HK2: variants seen among roughly 807,000 people sequenced by gnomAD.
HK2 encodes the protein hexokinase 2.
Under a neutral mutation model 92.9 loss-of-function variants are expected in HK2, and 42 were observed. The observed-to-expected ratio is 0.45, with a 90% confidence interval of 0.35 to 0.58. The LOEUF (loss-of-function observed/expected upper bound fraction) is 0.58. Among genes scored for constraint, HK2 ranks in the 20% least tolerant of loss-of-function variants. The pLI, the probability that HK2 is intolerant of heterozygous loss-of-function variation, is 0.00. For synonymous variants in HK2, 422 were observed against 468.0 expected (o/e 0.90, Z 1.27); for missense variants, 978 against 1,245.1 (o/e 0.79, Z 3.23).
chr2:74,889,553 C>T, intron 17 of HK2, 75 bp downstream of exon 17: 1 of 992,956 alleles, frequency 1.0e-6, no homozygotes, highest in South Asian at 1.4e-5. Context: ...TCTCTCTTTC[C>T]TTTGTTACTT....
At chr2:74,840,435 G>C (rs1688277164) in intron 1 of HK2, among the ~76,000 whole-genome samples, 1 of 152,042 alleles carries the variant, frequency 6.6e-6, no homozygotes, top group Non-Finnish European at 1.5e-5. Context: ...CAGAAAACTG[G>C]CTTCCTTTGT....
At chr2:74,879,019 G>A in intron 9 of HK2, 98 bp downstream of exon 9, 1 of 1,020,090 alleles carries the variant, frequency 9.8e-7, no homozygotes, top group Non-Finnish European at 1.5e-6. Flanking sequence ...CAGGGGTGGT[G>A]TGGAGGGACC....
chr2:74,880,424 G>C lies in HK2; in HGVS notation c.1425G>C (p.Glu475Asp). ...DQHRARQKTL[E>D]HLQLSHDQLL... ...ACCGTGCCCGCCAGAAGACATTAGA[G>C]CATCTGCAGCTGAGCCATGACCAGC... Residue 475 changes from glutamate (E) to aspartate (D), a missense_variant, in exon 10 of 18, where the codon GAG (glutamate) becomes GAC (aspartate). Glu to Asp is a conservative substitution (Grantham distance 45). This residue lies in a region of HK2 where 742 missense variants were observed against 922.5 expected (regional missense o/e 0.80). Coordinates refer to ENST00000290573, the MANE Select transcript of HK2 (RefSeq NM_000189.5). The C allele has an allele frequency of 6.2e-7, 1 of 1,614,244 alleles. No individual in the cohort carries two copies. Among genetic ancestry groups the C allele is most frequent in the South Asian group, 1.1e-5 (1 of 91,088 alleles).
rs369234663 is a variant in HK2 at position 74,881,897 on chromosome 2, G to A, written c.1719+38G>A. On this transcript the variant is annotated intron_variant, in intron 11 of 17. Transcript: ENST00000290573. ...GCGCCTTCAGGAGGGGGCCCCTGGT[G>A]GACGTCACCTCTTGCCTTCGAGGAC... 122 of 1,609,028 alleles carry A rather than the reference G, an allele frequency of 7.6e-5. 1 individual carries two copies. Among genetic ancestry groups the A allele is most frequent in the Non-Finnish European group, 9.7e-5 (114 of 1,176,252 alleles).
At chr2:74,868,462 A>G (rs1010458002) in intron 3 of HK2, among the ~76,000 whole-genome samples, 1 of 152,158 alleles carries the variant, frequency 6.6e-6, no homozygotes, top group African/African-American at 2.4e-5. Flanking sequence ...CAGTTTATTC[A>G]TCTGTAAAAA....
At position 74,881,780 on chromosome 2, in the gene HK2, A is replaced by C. The variant is rs1174398172; in HGVS notation, c.1640A>C (p.Asn547Thr). Reference protein sequence around the residue: ...NFRVLLVRVRNGKWGGVEMHN... With the variant: ...NFRVLLVRVRTGKWGGVEMHN... ...CGGGTCCTGCTGGTCCGTGTTCGGA[A>C]TGGGAAGTGGGGTGGAGTGGAGATG... The change falls in exon 11 of 18, where the codon AAT becomes ACT. Residue 547 changes from asparagine (N) to threonine (T), a missense_variant. Asn to Thr is a moderately conservative substitution (Grantham distance 65). Around this residue, in one of 3 missense-constraint regions of HK2, gnomAD observed 742 missense variants for 922.5 expected, o/e 0.80. Transcript: ENST00000290573. 1.9e-6 allele frequency: 3 copies of C among 1,614,038 alleles called. No homozygotes were observed. The highest frequency in any genetic ancestry group is 2.5e-6 in the Non-Finnish European group (3 of 1,180,014).
intron 1 of HK2, among the ~76,000 whole-genome samples, chr2:74,837,968 G>C (rs1329976658): frequency 6.6e-6 from 1 of 151,976 alleles, no homozygotes; most frequent in African/African-American, 2.4e-5. Flanking sequence ...GCCACCGCAC[G>C]AGGCCTGCCC....
rs141663207 is a variant in HK2, at chr2:74,873,348, C to A, written c.568C>A (p.Arg190=). The change falls in exon 5 of 18, where the codon CGG becomes AGG. Residue 190 remains arginine (R), a synonymous_variant. Coordinates refer to ENST00000290573, the MANE Select transcript of HK2 (RefSeq NM_000189.5). ...AGGCAGAGACGTTGTGGCTCTGATC[C>A]GGAAGGCCATCCAGAGGAGAGGGGT... ...VEGRDVVALI[R]KAIQRRGDFD... 6.2e-7 allele frequency: 1 copy of A among 1,613,698 alleles called. No homozygotes were observed. Among genetic ancestry groups the A allele is most frequent in the South Asian group, 1.1e-5 (1 of 91,056 alleles).
chr2:74,891,179 T>C lies in HK2; in HGVS notation c.*238T>C, dbSNP rs1689669386. On this transcript the variant is annotated 3_prime_UTR_variant, in exon 18 of 18. Transcript: ENST00000290573. The stretch of plus-strand genomic sequence containing the variant: ...TTCACATGCATCATAACCATTCCCA[T>C]TGGTTCTCCTAAAACATGAAAATTA... The C allele has an allele frequency of 5.5e-6, 3 of 543,488 alleles. No homozygotes were observed. Among genetic ancestry groups the C allele is most frequent in the South Asian group, 2.0e-5 (1 of 49,192 alleles). 33.7% of individuals were successfully genotyped at this position (543,488 alleles called of 1,614,324 possible).
At chr2:74,855,021 A>C (rs961393280) in intron 2 of HK2, among the ~76,000 whole-genome samples, 17 of 152,296 alleles carry the variant, frequency 1.1e-4, no homozygotes, top group African/African-American at 4.1e-4. Context: ...TTTTTGAGAC[A>C]GTTTCACTCT....
At chr2:74,863,924 G>C (rs753331997) in intron 2 of HK2, among the ~76,000 whole-genome samples, 1 of 152,220 alleles carries the variant, frequency 6.6e-6, no homozygotes, top group Admixed American at 6.5e-5. Context: ...GTTTACGGCT[G>C]CATGCCTCAG....
At chr2:74,875,780 TCAGTG>T (rs895689175) in intron 7 of HK2, among the ~76,000 whole-genome samples, 3 of 152,174 alleles carry the variant, frequency 2.0e-5, no homozygotes, top group African/African-American at 7.2e-5. Context: ...GAAAAGTCAC[TCAGTG>T]CCTGCCTCCA....
At chr2:74,853,449 A>T (rs1307135326) in intron 1 of HK2, among the ~76,000 whole-genome samples, 4 of 151,896 alleles carry the variant, frequency 2.6e-5, no homozygotes, top group African/African-American at 9.7e-5. Context: ...CCCGGGAGGC[A>T]GAGGTTGCAG....
chr2:74,849,994 T>G (rs1688529251), intron 1 of HK2, among the ~76,000 whole-genome samples: 1 of 152,174 alleles, frequency 6.6e-6, no homozygotes. Context: ...GAGTTTGTCT[T>G]CCCAACTCCC....
chr2:74,878,906 A>T lies in HK2; in HGVS notation c.1250A>T (p.Tyr417Phe), dbSNP rs748046931. Reference sequence around the variant, plus strand: ...ACTATTGGGGTCGACGGTTCCGTCTACAAGAAACACCCCCAGTGAGTCAGT... The same window carrying T: ...ACTATTGGGGTCGACGGTTCCGTCTTCAAGAAACACCCCCAGTGAGTCAGT... ...RSTIGVDGSV[Y>F]KKHPHFAKRL... The change falls in exon 9 of 18, where the codon TAC becomes TTC. Residue 417 changes from tyrosine (Y) to phenylalanine (F), a missense_variant. Tyr to Phe is a conservative substitution (Grantham distance 22). This residue lies in a region of HK2 where 742 missense variants were observed against 922.5 expected (regional missense o/e 0.80). Coordinates refer to ENST00000290573, the MANE Select transcript of HK2 (RefSeq NM_000189.5). The T allele has an allele frequency of 1.6e-5, 25 of 1,551,340 alleles. No individual in the cohort carries two copies. In the South Asian group the frequency reaches 3.0e-4, roughly 18 times the overall value.
At chr2:74,880,181 A>T in intron 9 of HK2, 84 bp from the exon 10 acceptor site, 1 of 1,483,924 alleles carries the variant, frequency 6.7e-7, no homozygotes. Flanking sequence ...CATTTGGATT[A>T]AGGCGGTGGG....
chr2:74,859,529 AC>A (rs1467136429), intron 2 of HK2, among the ~76,000 whole-genome samples: 4 of 152,154 alleles, frequency 2.6e-5, no homozygotes, highest in African/African-American at 9.7e-5. Context: ...TACTAAAAAT[AC>A]AAAAAATTAG....
chr2:74,864,514 GT>G (rs34286902), intron 2 of HK2, among the ~76,000 whole-genome samples: 37,177 of 149,776 alleles, frequency 0.25, 5,009 homozygotes, highest in East Asian at 0.51. Context: ...TCATTTGTTT[GT>G]TTTTTTTTTG....
intron 13 of HK2, among the ~76,000 whole-genome samples, chr2:74,885,887 G>C (rs887816870): frequency 1.7e-5 from 2 of 116,350 alleles, no homozygotes; most frequent in African/African-American, 4.9e-5. Flanking sequence ...CACACACACA[G>C]TAAAGGAATA....
Sources: gnomAD v4.1 joint callset for allele counts (sites outside exome capture counted in the v4.1 genomes callset) on GRCh38, gnomAD v4.1.1 for gene constraint, gnomAD v4.1.1 regional missense constraint, MANE v1.5 for transcripts, NCBI Gene and HGNC (gene_info 2026-07-23, HGNC 2026-07-21) for gene names.